SCRT2: variants seen among roughly 807,000 people sequenced by gnomAD.
The protein encoded by SCRT2 is transcriptional repressor scratch 2.
Under a neutral mutation model 3.7 loss-of-function variants are expected in SCRT2, and 2 were observed. The observed-to-expected ratio is 0.54, with a 90% CI of 0.22 to 1.70. The LOEUF (loss-of-function observed/expected upper bound fraction) is 1.70, where lower values mean the gene tolerates loss of function less well. Ranked by LOEUF, SCRT2 falls within the 40% of genes most tolerant of loss-of-function variation. SCRT2 has a pLI of 0.19. For synonymous variants in SCRT2, 256 were observed against 220.6 expected, an observed-to-expected ratio of 1.16 and a Z score of -1.42; for missense variants, 456 against 468.5, an observed-to-expected ratio of 0.97 and a Z score of 0.25.
chr20:675,465 T>C lies in SCRT2; in HGVS notation c.133+4A>G. 4 of 1,321,348 alleles carry C rather than the reference T, an allele frequency of 3.0e-6. No individual in the cohort carries two copies. The highest frequency in any genetic ancestry group is 1.5e-5 in the African/African-American group (1 of 66,144). The allele number at this position is 1,321,348 out of a possible 1,614,324, so 81.9% of individuals were successfully genotyped here. Reference sequence around the variant, plus strand: ...ACCCCCCGCCCCCGCCGGGTCCCACTCACCGTTGTCCCCGGGAGGCCCCCG... The same window carrying C: ...ACCCCCCGCCCCCGCCGGGTCCCACCCACCGTTGTCCCCGGGAGGCCCCCG... On this transcript the variant is annotated splice_donor_region_variant and intron_variant, in intron 1 of 1. Coordinates refer to ENST00000246104, the MANE Select transcript of SCRT2 (RefSeq NM_033129.4). This position sits in a 1 kb window ranked among gnomAD's most constrained non-coding sequence, Gnocchi z 6.9.
chr20:674,399 T>TCTCTCA (rs1399542427), intron 1 of SCRT2, among the ~76,000 whole-genome samples: 11 of 106,732 alleles, frequency 1.0e-4, no homozygotes, highest in African/African-American at 4.4e-4. Flanking sequence ...TCTCTCTCTC[T>TCTCTCA]CACACACACA....
chr20:671,603 C>T (rs893374159), intron 1 of SCRT2, among the ~76,000 whole-genome samples: 4 of 152,296 alleles, frequency 2.6e-5, no homozygotes, highest in East Asian at 1.9e-4. Flanking sequence ...GCCGGGCTCC[C>T]GGGCTTGGCC....
At chr20:670,077 C>T (rs940298544) in intron 1 of SCRT2, among the ~76,000 whole-genome samples, 1 of 152,236 alleles carries the variant, frequency 6.6e-6, no homozygotes, top group Non-Finnish European at 1.5e-5. Context: ...TCTGGTCTTT[C>T]CTGACTGTGA....
Position 670,847 on chromosome 20 carries a change from G to A in SCRT2, c.133+4622C>T, listed in dbSNP as rs1984309965. Among the ~76,000 whole-genome samples the A allele has an allele frequency of 2.6e-5, 4 of 152,262 alleles. No individual in the cohort carries two copies. In the Middle Eastern group the frequency reaches 0.01, roughly 388 times the overall value. ...CCCCAGGCTTTAGAGGAAATCAGGGGTTCCCAGATTCCATATCTCACATGG... is the reference window on the plus strand; with the variant it reads ...CCCCAGGCTTTAGAGGAAATCAGGGATTCCCAGATTCCATATCTCACATGG... On this transcript the variant is annotated intron_variant, in intron 1 of 1. Coordinates refer to ENST00000246104, the MANE Select transcript of SCRT2 (RefSeq NM_033129.4).
At position 663,728 on chromosome 20, in the gene SCRT2, C is replaced by A; in HGVS notation, c.867G>T (p.Ala289=). ...LKSYLHKHCE[A]ACAKAAEPPP... Reference sequence around the variant, plus strand: ...GTGGCTCGGCCGCCTTGGCGCAGGCCGCCTCGCAGTGCTTGTGGAGGTAGG... The same window carrying A: ...GTGGCTCGGCCGCCTTGGCGCAGGCAGCCTCGCAGTGCTTGTGGAGGTAGG... The change falls in exon 2 of 2, where the codon GCG becomes GCT. Residue 289 remains alanine, a synonymous_variant. Coordinates refer to ENST00000246104, the MANE Select transcript of SCRT2 (RefSeq NM_033129.4). The surrounding 1 kb of genome is among the most constrained non-coding windows in gnomAD (Gnocchi z 6.9). The A allele has an allele frequency of 2.6e-6, 4 of 1,545,400 alleles. No homozygotes were observed. The highest frequency in any genetic ancestry group is 3.5e-6 in the Non-Finnish European group (4 of 1,148,484).
In SCRT2 at chr20:675,002, C is replaced by A. The variant is rs891433963; in HGVS notation, c.133+467G>T. The stretch of plus-strand genomic sequence containing the variant: ...GGAGCAGGTTTGAAGGGAGGGAGGG[C>A]GCCCCCAGCCACCCCCAGGGAACCA... On this transcript the variant is annotated intron_variant, in intron 1 of 1. Coordinates refer to ENST00000246104, the MANE Select transcript of SCRT2 (RefSeq NM_033129.4). This position sits in a 1 kb window ranked among gnomAD's most constrained non-coding sequence, Gnocchi z 6.9. Among the ~76,000 whole-genome samples, 3 of 152,066 alleles carry A rather than the reference C, an allele frequency of 2.0e-5. No homozygotes were observed. Among genetic ancestry groups the A allele is most frequent in the African/African-American group, 7.2e-5 (3 of 41,406 alleles).
At position 666,069 on chromosome 20, in the gene SCRT2, T is replaced by A. The variant is rs577267090; in HGVS notation, c.134-1608A>T. Reference sequence around the variant, plus strand: ...CCCTGAAGGCAAGGGTGTGCCCTTATTTTTACCTCTGTCCCTTCAGCAGCC... The same window carrying A: ...CCCTGAAGGCAAGGGTGTGCCCTTAATTTTACCTCTGTCCCTTCAGCAGCC... On this transcript the variant is annotated intron_variant, in intron 1 of 1. Coordinates refer to ENST00000246104, the MANE Select transcript of SCRT2 (RefSeq NM_033129.4). This position sits in a 1 kb window ranked among gnomAD's most constrained non-coding sequence, Gnocchi z 4.4. 3.3e-5 allele frequency among the ~76,000 whole-genome samples: 5 copies of A among 152,176 alleles called. No individual in the cohort carries two copies. Among genetic ancestry groups the A allele is most frequent in the Non-Finnish European group, 5.9e-5 (4 of 68,024 alleles).
At chr20:672,968 C>G (rs1321488284) in intron 1 of SCRT2, among the ~76,000 whole-genome samples, 1 of 152,102 alleles carries the variant, frequency 6.6e-6, no homozygotes, top group Non-Finnish European at 1.5e-5. Flanking sequence ...ACCCTCCACC[C>G]GCCCAGGGAA....
At chr20:669,575 G>A (rs1183189583) in intron 1 of SCRT2, among the ~76,000 whole-genome samples, 1 of 152,186 alleles carries the variant, frequency 6.6e-6, no homozygotes, top group Non-Finnish European at 1.5e-5. Context: ...CTTCCCCGGC[G>A]GCCCACTTTC....
chr20:672,221 C>A (rs531420373), intron 1 of SCRT2, among the ~76,000 whole-genome samples: 1 of 152,156 alleles, frequency 6.6e-6, no homozygotes, highest in Non-Finnish European at 1.5e-5. Context: ...TATCAGGGAG[C>A]TCTGCAGAGA....
In SCRT2 at chr20:661,935, T is replaced by TC. The variant is rs987088866; in HGVS notation, c.*1735dup. On this transcript the variant is annotated 3_prime_UTR_variant, in exon 2 of 2. Transcript: ENST00000246104. The stretch of plus-strand genomic sequence containing the variant: ...CCCTGCTGCAGGGGTGCCTCCAGTC[T>TC]CCCCCCTCTTTTGTGGCTAAGAGGA... The TC allele has an allele frequency of 9.2e-5, 14 of 152,210 alleles. No individual in the cohort carries two copies. The highest frequency in any genetic ancestry group is 1.5e-5 in the Non-Finnish European group (1 of 67,968). The allele number at this position is 152,210 out of a possible 1,614,324, so 9.4% of individuals were successfully genotyped here. A position where few individuals can be genotyped will look rare whatever the true frequency, so the allele number is the denominator to read the frequency against.
rs781268774 is a variant in SCRT2, at chr20:667,568, C to T, written c.134-3107G>A. Reference sequence around the variant, plus strand: ...TAGGAGCTCCATCAGTGAACCAGAGCGTTCTCCATGAGGTGCTCTGCCCAT... The same window carrying T: ...TAGGAGCTCCATCAGTGAACCAGAGTGTTCTCCATGAGGTGCTCTGCCCAT... On this transcript the variant is annotated intron_variant, in intron 1 of 1. Coordinates refer to ENST00000246104, the MANE Select transcript of SCRT2 (RefSeq NM_033129.4). This position sits in a 1 kb window ranked among gnomAD's most constrained non-coding sequence, Gnocchi z 4.4. Among the ~76,000 whole-genome samples the T allele has an allele frequency of 1.6e-4, 25 of 152,320 alleles. No individual in the cohort carries two copies. Among genetic ancestry groups the T allele is most frequent in the African/African-American group, 6.0e-4 (25 of 41,570 alleles).
In SCRT2 at chr20:664,013, G is replaced by C; in HGVS notation, c.582C>G (p.Ala194=). ...TGGCGAGCGCGGGCATGGACACGTA[G>C]GCCTTGCCGCACGTCGGGCATTTGC... ...LARKCPTCGK[A]YVSMPALAMH... is the part of the protein sequence containing the mutation. The change falls in exon 2 of 2, where the codon GCC becomes GCG. Residue 194 remains alanine (A), a synonymous_variant. Coordinates refer to ENST00000246104, the MANE Select transcript of SCRT2 (RefSeq NM_033129.4). This position sits in a 1 kb window ranked among gnomAD's most constrained non-coding sequence, Gnocchi z 7.9. 1.2e-6 allele frequency: 2 copies of C among 1,612,036 alleles called. No homozygotes were observed. Among genetic ancestry groups the C allele is most frequent in the South Asian group, 1.1e-5 (1 of 91,054 alleles).
At chr20:669,061 G>T (rs549161124) in intron 1 of SCRT2, among the ~76,000 whole-genome samples, 109 of 132,988 alleles carry the variant, frequency 8.2e-4, no homozygotes, top group Non-Finnish European at 1.3e-3. Flanking sequence ...ACTTGCTGGG[G>T]AAGAGATCTT....
rs57092015 is a variant in SCRT2 at position 674,399 on chromosome 20, T to TCACACACA, written c.133+1062_133+1069dup. Among the ~76,000 whole-genome samples, 215 of 106,784 alleles carry TCACACACA rather than the reference T, an allele frequency of 2.0e-3. 2 individuals carry two copies. The highest frequency in any genetic ancestry group is 7.5e-3 in the African/African-American group (187 of 24,850). The allele number at this position is 106,784 out of a possible 152,430, so 70.1% of individuals were successfully genotyped here. On this transcript the variant is annotated intron_variant, in intron 1 of 1. Transcript: ENST00000246104. ...CCCCATCTCTCTCTCTCTCTCTCTC[T>TCACACACA]CACACACACACACACACACACACAC...
rs1984064915 is a variant in SCRT2, at chr20:664,144, C to T, written c.451G>A (p.Gly151Ser). Reference sequence around the variant, plus strand: ...TCGGCGCACGCGTGCCGGTGCCCGCCGCCCGCCTGCGCCCCCGCGCGCCCC... The same window carrying T: ...TCGGCGCACGCGTGCCGGTGCCCGCTGCCCGCCTGCGCCCCCGCGCGCCCC... Reference protein sequence around the residue: ...RAGRAGAQAGGGHRHACAECG... With the variant: ...RAGRAGAQAGSGHRHACAECG... The change falls in exon 2 of 2, where the codon GGC becomes AGC. Residue 151 changes from glycine to serine, a missense_variant. Gly to Ser is a moderately conservative substitution (Grantham distance 56). Coordinates refer to ENST00000246104, the MANE Select transcript of SCRT2 (RefSeq NM_033129.4). This position sits in a 1 kb window ranked among gnomAD's most constrained non-coding sequence, Gnocchi z 7.9. The T allele has an allele frequency of 7.6e-7, 1 of 1,315,614 alleles. No homozygotes were observed. Among genetic ancestry groups the T allele is most frequent in the Non-Finnish European group, 9.7e-7 (1 of 1,027,706 alleles). 81.5% of individuals were successfully genotyped at this position (1,315,614 alleles called of 1,614,324 possible). A position where few individuals can be genotyped will look rare whatever the true frequency, so the allele number is the denominator to read the frequency against.
chr20:668,969 C>G (rs1233965921), intron 1 of SCRT2, among the ~76,000 whole-genome samples: 2 of 152,168 alleles, frequency 1.3e-5, no homozygotes, highest in African/African-American at 4.8e-5. Flanking sequence ...GAGGATTTGC[C>G]CAAGGTCACT....
chr20:674,364 C>T (rs1447965954), intron 1 of SCRT2, among the ~76,000 whole-genome samples: 6 of 150,776 alleles, frequency 4.0e-5, no homozygotes, highest in Admixed American at 2.7e-4. Context: ...CTCTCTCTCT[C>T]TTTCCCCACC....
chr20:664,367 C>T lies in SCRT2; in HGVS notation c.228G>A (p.Ala76=), dbSNP rs1472665963. The T allele has an allele frequency of 2.1e-6, 3 of 1,445,332 alleles. No individual in the cohort carries two copies. The highest frequency in any genetic ancestry group is 1.4e-5 in the African/African-American group (1 of 69,082). The allele number at this position is 1,445,332 out of a possible 1,614,324, so 89.5% of individuals were successfully genotyped here. A position where few individuals can be genotyped will look rare whatever the true frequency, so the allele number is the denominator to read the frequency against. ...LAPAEPAYPP[A]APEEYSDPES... ...CGGGGTCGCTGTACTCCTCCGGCGCCGCCGGCGGGTACGCGGGCTCGGCCG... is the reference window on the plus strand; with the variant it reads ...CGGGGTCGCTGTACTCCTCCGGCGCTGCCGGCGGGTACGCGGGCTCGGCCG... Residue 76 remains alanine (A), a synonymous_variant, in exon 2 of 2, where the codon GCG becomes GCA. Coordinates refer to ENST00000246104, the MANE Select transcript of SCRT2 (RefSeq NM_033129.4). The surrounding 1 kb of genome is among the most constrained non-coding windows in gnomAD (Gnocchi z 7.9).
Sources: allele counts gnomAD v4.1 joint callset (sites outside exome capture counted in the v4.1 genomes callset), GRCh38; gene constraint gnomAD v4.1.1; non-coding constraint Gnocchi (gnomAD v3.1); transcripts MANE v1.5; gene names NCBI Gene and HGNC (gene_info 2026-07-23, HGNC 2026-07-21).